ANXA8: variants seen among roughly 807,000 people sequenced by gnomAD.
ANXA8 encodes annexin A8.
Under a neutral mutation model 26.8 loss-of-function variants are expected in ANXA8, and 9 were observed. That is an observed-to-expected ratio of 0.34 (90% confidence interval 0.20 to 0.59). The LOEUF (loss-of-function observed/expected upper bound fraction) is 0.59, where lower values mean the gene tolerates loss of function less well. ANXA8 is among the 20% of genes least tolerant of loss of function. The pLI is 0.84. For synonymous variants in ANXA8, 39 were observed against 94.8 expected (o/e 0.41, Z 3.42); for missense variants, 83 against 238.5 (o/e 0.35, Z 4.29).
the ANXA8 span, among the ~76,000 whole-genome samples, chr10:47,740,710 G>GTAA: frequency 3.1e-5 from 4 of 127,500 alleles, no homozygotes; most frequent in African/African-American, 1.2e-4. Context: ...TTATTGTTCA[G>GTAA]TAATATATCA....
At chr10:47,510,931 A>ATTT in the ANXA8 span, among the ~76,000 whole-genome samples, 11 of 129,906 alleles carry the variant, frequency 8.5e-5, no homozygotes, top group South Asian at 2.4e-4. Context: ...TTAATTAATT[A>ATTT]ATTAATTTAT....
At chr10:47,490,108 T>C in the ANXA8 span, among the ~76,000 whole-genome samples, 1 of 150,878 alleles carries the variant, frequency 6.6e-6, no homozygotes, top group Admixed American at 6.6e-5. Flanking sequence ...CAGGATGTGC[T>C]AGCGCCTGCC....
the ANXA8 span, among the ~76,000 whole-genome samples, chr10:47,490,625 C>T: frequency 6.7e-6 from 1 of 150,310 alleles, no homozygotes; most frequent in Non-Finnish European, 1.5e-5. Flanking sequence ...GCAAGCCCTG[C>T]CTCAGCTTTT....
the ANXA8 span, among the ~76,000 whole-genome samples, chr10:47,726,588 A>G: frequency 6.6e-6 from 1 of 152,280 alleles, no homozygotes; most frequent in South Asian, 2.1e-4. Context: ...AGTTTAATAT[A>G]TTTTTATATT....
the ANXA8 span, chr10:47,590,154 T>C: frequency 6.8e-6 from 1 of 146,410 alleles, no homozygotes; most frequent in Non-Finnish European, 1.5e-5. Context: ...CAAAGGGAGA[T>C]ACTGTGAGCA....
chr10:47,701,208 A>C, the ANXA8 span, among the ~76,000 whole-genome samples: 1 of 151,674 alleles, frequency 6.6e-6, no homozygotes, highest in East Asian at 1.9e-4. Context: ...ATTAAAAAAA[A>C]AAAAAGCACA....
At chr10:47,533,224 C>CACA in the ANXA8 span, among the ~76,000 whole-genome samples, 3 of 133,092 alleles carry the variant, frequency 2.3e-5, no homozygotes, top group African/African-American at 8.9e-5. Context: ...CACACACACA[C>CACA]CCCCGCAGAC....
chr10:47,520,880 G>A, the ANXA8 span, among the ~76,000 whole-genome samples: 2 of 130,418 alleles, frequency 1.5e-5, no homozygotes, highest in African/African-American at 6.5e-5. Context: ...GGTAAATTTT[G>A]GCTTTGAGTT....
chr10:47,693,318 C>G, the ANXA8 span, among the ~76,000 whole-genome samples: 1 of 147,488 alleles, frequency 6.8e-6, no homozygotes, highest in Non-Finnish European at 1.5e-5. Context: ...GAGACGGAGT[C>G]TGGCTCTGGC....
At chr10:47,502,179 G>A in the ANXA8 span, 35 of 1,547,570 alleles carry the variant, frequency 2.3e-5, 4 homozygotes, top group African/African-American at 1.4e-4. Flanking sequence ...TGGGCATCTC[G>A]GGCCATGACG....
chr10:47,714,631 C>T, the ANXA8 span, among the ~76,000 whole-genome samples: 3 of 44,146 alleles, frequency 6.8e-5, no homozygotes, highest in Non-Finnish European at 4.1e-5. Context: ...GTAATCCCAG[C>T]ACTTTGGGAA....
chr10:47,707,736 T>A, the ANXA8 span, among the ~76,000 whole-genome samples: 7 of 101,568 alleles, frequency 6.9e-5, 1 homozygote, highest in Non-Finnish European at 1.3e-4. Context: ...GTTGGTAGGC[T>A]GTGTAGAAAA....
At chr10:47,501,337 G>A in the ANXA8 span, among the ~76,000 whole-genome samples, 1 of 143,962 alleles carries the variant, frequency 6.9e-6, no homozygotes, top group Non-Finnish European at 1.5e-5. Flanking sequence ...GTGAGCCACT[G>A]CGCCCAGCCT....
chr10:47,483,254 T>C, intron 1 of ANXA8, among the ~76,000 whole-genome samples: 1 of 146,788 alleles, frequency 6.8e-6, no homozygotes, highest in Non-Finnish European at 1.5e-5. Flanking sequence ...ATGAACATCA[T>C]TGATCCCTGA....
the ANXA8 span, among the ~76,000 whole-genome samples, chr10:47,895,216 G>T: frequency 6.6e-6 from 1 of 151,952 alleles, no homozygotes; most frequent in African/African-American, 2.4e-5. Flanking sequence ...GAGGACTGCG[G>T]GGAGAAGACA....
rs1839960547 is a variant in ANXA8, at chr10:47,484,085, C to G, written c.-152G>C. On this transcript the variant is annotated 5_prime_UTR_variant, in exon 1 of 12. Coordinates refer to ENST00000585281, the MANE Select transcript of ANXA8 (RefSeq NM_001040084.3). ...CAAGCCCGCCCAGGGCAGCGCCACA[C>G]CTGCCTGCCGTCCCCTCGCCCCCGG... 1 of 1,596,550 alleles carries G rather than the reference C, an allele frequency of 6.3e-7. No individual in the cohort carries two copies. Among genetic ancestry groups the G allele is most frequent in the African/African-American group, 1.3e-5 (1 of 74,080 alleles).
At chr10:47,744,871 T>C in the ANXA8 span, among the ~76,000 whole-genome samples, 1 of 152,066 alleles carries the variant, frequency 6.6e-6, no homozygotes, top group Admixed American at 6.6e-5. Context: ...TCATTCTCAG[T>C]TGACCAAAAA....
At chr10:47,944,686 G>C in the ANXA8 span, among the ~76,000 whole-genome samples, 1 of 150,686 alleles carries the variant, frequency 6.6e-6, no homozygotes, top group Non-Finnish European at 1.5e-5. Flanking sequence ...TCTTTTGCCT[G>C]CCACCATGTA....
the ANXA8 span, among the ~76,000 whole-genome samples, chr10:47,600,504 G>T: frequency 0.035 from 5,265 of 148,948 alleles, 844 homozygotes; most frequent in African/African-American, 0.13. Flanking sequence ...TACTGAATTC[G>T]GAATAAGCCC....
Sources: allele counts gnomAD v4.1 joint callset (sites outside exome capture counted in the v4.1 genomes callset), GRCh38; gene constraint gnomAD v4.1.1; transcripts MANE v1.5; gene names NCBI Gene and HGNC (gene_info 2026-07-23, HGNC 2026-07-21).